Variants in TRABD observed in about 807,000 individuals in gnomAD.
TRABD encodes the protein traB domain-containing protein.
TRABD carries 23 observed loss-of-function variants against 39.6 expected under a neutral mutation model. The ratio of observed to expected loss-of-function variants is 0.58; its 90% CI spans 0.42 to 0.82. The LOEUF (loss-of-function observed/expected upper bound fraction) is 0.82. Ranked by LOEUF, TRABD falls within the 40% of genes least tolerant of loss-of-function variation. The pLI, the probability that TRABD is intolerant of heterozygous loss-of-function variation, is 0.00. For synonymous variants in TRABD, 243 were observed against 232.1 expected (o/e 1.05, Z -0.43); for missense variants, 487 against 544.9 (o/e 0.89, Z 1.06).
In TRABD at chr22:50,198,921, CA is replaced by C. The variant is rs1283986672; in HGVS notation, c.*403del. On this transcript the variant is annotated 3_prime_UTR_variant, in exon 10 of 10. Transcript: ENST00000380909. This position sits in a 1 kb window ranked among gnomAD's most constrained non-coding sequence, Gnocchi z 7.9. ...TGCTCCGGCCACAGGAGCGTCGGCC[CA>C]GGGGCGGCTCCTGGGGGCTCCAGGG... is the stretch of plus-strand genomic sequence containing the variant. 3 of 588,572 alleles carry C rather than the reference CA, an allele frequency of 5.1e-6. No individual in the cohort carries two copies. The highest frequency in any genetic ancestry group is 3.8e-5 in the African/African-American group (2 of 53,148). The allele number at this position is 588,572 out of a possible 1,614,324, so 36.5% of individuals were successfully genotyped here. A position where few individuals can be genotyped will look rare whatever the true frequency, so the allele number is the denominator to read the frequency against.
At chr22:50,190,551 A>T (rs1329784803) in intron 1 of TRABD, 2 of 152,334 alleles carry the variant, frequency 1.3e-5, no homozygotes, top group Non-Finnish European at 2.9e-5. Flanking sequence ...GGCTGGGCCG[A>T]CGCAGCCTCC....
At chr22:50,194,315 A>G (rs765238239) in intron 3 of TRABD, 25 bp from the exon 4 acceptor site, 8 of 1,605,926 alleles carry the variant, frequency 5.0e-6, no homozygotes, top group Admixed American at 1.7e-5. Context: ...GCCCGGCACC[A>G]CAACGGCCTG....
At position 50,198,345 on chromosome 22, in the gene TRABD, C is replaced by A; in HGVS notation, c.957C>A (p.Thr319=). The change falls in exon 10 of 10, where the codon ACC becomes ACA. Residue 319 remains threonine (T), a splice_region_variant and synonymous_variant. Coordinates refer to ENST00000380909, the MANE Select transcript of TRABD (RefSeq NM_001320485.2). The surrounding 1 kb of genome is among the most constrained non-coding windows in gnomAD (Gnocchi z 7.9). Reference sequence around the variant, plus strand: ...GCCCAGCGCCCCCTCCCTCCCACAGCGTGCCCCCGCCGTCCGTCTCCGGCA... The same window carrying A: ...GCCCAGCGCCCCCTCCCTCCCACAGAGTGCCCCCGCCGTCCGTCTCCGGCA... ...STDLNIQEIM[T]VPPPSVSGRV... The A allele has an allele frequency of 6.4e-7, 1 of 1,563,474 alleles. No individual in the cohort carries two copies.
chr22:50,197,192 C>CGGGGGGGGGGG, intron 5 of TRABD, 49 bp from the exon 6 acceptor site: 1 of 1,562,610 alleles, frequency 6.4e-7, no homozygotes, highest in African/African-American at 1.4e-5. Flanking sequence ...TCCCCCAGCG[C>CGGGGGGGGGGG]ACCCCCGCAC....
chr22:50,195,075 C>T (rs1426528709), intron 5 of TRABD, 35 bp downstream of exon 5: 34 of 1,528,704 alleles, frequency 2.2e-5, no homozygotes, highest in Non-Finnish European at 2.9e-5. Flanking sequence ...GGGTCAGGGT[C>T]GGGGTCAAAG....
intron 5 of TRABD, chr22:50,196,995 G>GC: frequency 1.9e-6 from 1 of 517,756 alleles, no homozygotes; most frequent in East Asian, 3.3e-5. Context: ...ACTGCACCCG[G>GC]CCCGTGAAGG....
intron 5 of TRABD, 169 bp from the exon 6 acceptor site, chr22:50,197,072 C>T: frequency 3.2e-6 from 2 of 634,044 alleles, no homozygotes; most frequent in African/African-American, 1.8e-5. Context: ...CTGGTCTGAC[C>T]CTCTGCACGC....
At chr22:50,197,765 C>CCCCCCCCCCCCCCCCCTGG in intron 7 of TRABD, 58 bp from the exon 8 acceptor site, 5 of 754,038 alleles carry the variant, frequency 6.6e-6, no homozygotes, top group Non-Finnish European at 8.9e-6. Context: ...ACAGTGCCAG[C>CCCCCCCCCCCCCCCCCTGG]CCCACCCCCC....
rs756282901 is a variant in TRABD, at chr22:50,193,052, C to T, written c.-9C>T. 81 of 1,545,108 alleles carry T rather than the reference C, an allele frequency of 5.2e-5. No homozygotes were observed. Among genetic ancestry groups the T allele is most frequent in the African/African-American group, 6.8e-5 (5 of 73,104 alleles). ...GCTCCCCACAGGTGCAGGAAGCCGC[C>T]GCCCAGCCATGGACGGGGAGGAGCA... On this transcript the variant is annotated 5_prime_UTR_variant, in exon 2 of 10. Transcript: ENST00000380909.
Position 50,194,430 on chromosome 22 carries a change from T to A in TRABD, c.203T>A (p.Val68Glu). The A allele has an allele frequency of 6.2e-7, 1 of 1,612,678 alleles. No homozygotes were observed. Among genetic ancestry groups the A allele is most frequent in the Non-Finnish European group, 8.5e-7 (1 of 1,179,672 alleles). Residue 68 changes from valine to glutamate, a missense_variant, in exon 4 of 10, where the codon GTG becomes GAG. Around this residue, in one of 3 missense-constraint regions of TRABD, gnomAD observed 358 missense variants for 414.7 expected, o/e 0.86. Transcript: ENST00000380909. ...PNLPRTVTQL[V>E]AEDGSRVYVV... Reference sequence around the variant, plus strand: ...CTGCCGCGCACTGTGACCCAGTTGGTGGCTGAGGACGGGAGCAGGGTGTAC... The same window carrying A: ...CTGCCGCGCACTGTGACCCAGTTGGAGGCTGAGGACGGGAGCAGGGTGTAC...
At chr22:50,195,965 G>A (rs2064088128) in intron 5 of TRABD, among the ~76,000 whole-genome samples, 1 of 152,180 alleles carries the variant, frequency 6.6e-6, no homozygotes, top group African/African-American at 2.4e-5. Flanking sequence ...CTAAAGGGCA[G>A]TCCCCGGTCC....
rs1263364211 is a variant in TRABD, at chr22:50,194,271, G to A, written c.113-69G>A. 6 of 1,562,738 alleles carry A rather than the reference G, an allele frequency of 3.8e-6. No individual in the cohort carries two copies. The Admixed American group carries it at 9.4e-5, about 25-fold the overall frequency. On this transcript the variant is annotated intron_variant, in intron 3 of 9. Coordinates refer to ENST00000380909, the MANE Select transcript of TRABD (RefSeq NM_001320485.2). ...AACCCAGGAGGGTTCTAGAGCCCAG[G>A]CTGCCAGCGGGCCCGGCGGCGTCCT...
chr22:50,199,055 T>A lies in TRABD; in HGVS notation c.*536T>A. ...CCCTGGCACCGTCTGCCTGCAGGGA[T>A]TCTGTGTTTTTGGCTTTTTTAATGT... On this transcript the variant is annotated 3_prime_UTR_variant, in exon 10 of 10. Coordinates refer to ENST00000380909, the MANE Select transcript of TRABD (RefSeq NM_001320485.2). 1.4e-6 allele frequency: 1 copy of A among 710,976 alleles called. No homozygotes were observed. The highest frequency in any genetic ancestry group is 2.6e-6 in the Non-Finnish European group (1 of 381,136). The allele number at this position is 710,976 out of a possible 1,614,324, so 44.0% of individuals were successfully genotyped here.
chr22:50,193,145 C>T (rs1217606606), intron 2 of TRABD, 52 bp downstream of exon 2: 18 of 1,505,474 alleles, frequency 1.2e-5, no homozygotes, highest in Middle Eastern at 4.4e-4. Context: ...GGGGCTTCCC[C>T]GCTTTGTGGG....
In TRABD at chr22:50,198,387, C is replaced by T. The variant is rs147427342; in HGVS notation, c.999C>T (p.Ala333=). The T allele has an allele frequency of 2.3e-5, 37 of 1,592,932 alleles. No individual in the cohort carries two copies. Among genetic ancestry groups the T allele is most frequent in the African/African-American group, 1.1e-4 (8 of 74,542 alleles). Residue 333 remains alanine, a synonymous_variant, in exon 10 of 10, where the codon GCC becomes GCT. Transcript: ENST00000380909. The surrounding 1 kb of genome is among the most constrained non-coding windows in gnomAD (Gnocchi z 7.9). The part of the protein sequence containing the change: ...PSVSGRVSRL[A]VKAAFFGLLG... ...TCTCCGGCAGAGTGTCTCGGTTGGC[C>T]GTGAAGGCCGCCTTCTTCGGCCTGC...
chr22:50,198,208 C>A lies in TRABD; in HGVS notation c.956+22C>A. The A allele has an allele frequency of 6.3e-7, 1 of 1,586,784 alleles. No homozygotes were observed. The highest frequency in any genetic ancestry group is 2.3e-5 in the East Asian group (1 of 43,272). On this transcript the variant is annotated intron_variant, in intron 9 of 9. Coordinates refer to ENST00000380909, the MANE Select transcript of TRABD (RefSeq NM_001320485.2). The surrounding 1 kb of genome is among the most constrained non-coding windows in gnomAD (Gnocchi z 7.9). ...TGACGTGAGTGCCCGCCCCTCCCTGCAAGCCCCACCCCACAAGCCCCCAGG... is the reference window on the plus strand; with the variant it reads ...TGACGTGAGTGCCCGCCCCTCCCTGAAAGCCCCACCCCACAAGCCCCCAGG...
Position 50,198,617 on chromosome 22 carries a change from C to A in TRABD, c.*98C>A. 2 of 1,284,712 alleles carry A rather than the reference C, an allele frequency of 1.6e-6. No individual in the cohort carries two copies. The highest frequency in any genetic ancestry group is 2.7e-5 in the East Asian group (1 of 36,850). The allele number at this position is 1,284,712 out of a possible 1,614,324, so 79.6% of individuals were successfully genotyped here. On this transcript the variant is annotated 3_prime_UTR_variant, in exon 10 of 10. Coordinates refer to ENST00000380909, the MANE Select transcript of TRABD (RefSeq NM_001320485.2). This position sits in a 1 kb window ranked among gnomAD's most constrained non-coding sequence, Gnocchi z 7.9. ...CCTAGCCCGCCCGAGGCCCCTGCCA[C>A]CCCCCATGGGGGTCTGGGCCCGGCC... is the stretch of plus-strand genomic sequence containing the variant.
intron 5 of TRABD, among the ~76,000 whole-genome samples, chr22:50,195,695 C>A (rs2064078721): frequency 6.6e-6 from 1 of 152,076 alleles, no homozygotes; most frequent in Non-Finnish European, 1.5e-5. Flanking sequence ...AACTCCTGAG[C>A]TCAGGCAATC....
chr22:50,186,775 G>T (rs1276034225), intron 1 of TRABD, among the ~76,000 whole-genome samples: 2 of 152,234 alleles, frequency 1.3e-5, no homozygotes, highest in Non-Finnish European at 2.9e-5. Flanking sequence ...CGAAGTGGAC[G>T]CCAGATCGTC....
Sources: allele counts gnomAD v4.1 joint callset (sites outside exome capture counted in the v4.1 genomes callset), GRCh38; gene constraint gnomAD v4.1.1; regional missense constraint gnomAD v4.1.1; non-coding constraint Gnocchi (gnomAD v3.1); transcripts MANE v1.5; gene names NCBI Gene and HGNC (gene_info 2026-07-23, HGNC 2026-07-21).